Variants in PDE6H observed in about 807,000 individuals in gnomAD.
PDE6H encodes retinal cone rhodopsin-sensitive cGMP 3',5'-cyclic phosphodiesterase subunit gamma.
PDE6H carries 11 observed loss-of-function variants against 9.2 expected under a neutral mutation model. That is an observed-to-expected ratio of 1.19 (90% CI 0.75 to 1.97). The LOEUF (loss-of-function observed/expected upper bound fraction) is 1.97, where lower values mean the gene tolerates loss of function less well. Ranked by LOEUF, PDE6H falls within the 30% of genes most tolerant of loss-of-function variation. The pLI, the probability that PDE6H is intolerant of heterozygous loss-of-function variation, is 0.00. For synonymous variants in PDE6H, 36 were observed against 33.6 expected, an observed-to-expected ratio of 1.07 and a Z score of -0.25; for missense variants, 98 against 101.5, an observed-to-expected ratio of 0.97 and a Z score of 0.15.
intron 1 of PDE6H, among the ~76,000 whole-genome samples, chr12:14,976,758 T>G (rs183408297): frequency 6.6e-6 from 1 of 152,142 alleles, no homozygotes; most frequent in Non-Finnish European, 1.5e-5. Context: ...AGGAATCTTA[T>G]GGAGACAAAG....
rs200311463 is a variant in PDE6H at position 14,978,047 on chromosome 12, C to G, written c.35C>G (p.Ser12Ter). The change falls in exon 2 of 4, where the codon TCA (serine) becomes TGA (stop). Residue 12 changes from serine to a stop codon, truncating the protein, a stop_gained. Transcript: ENST00000266395. LOFTEE classifies it high-confidence loss of function. Reference protein sequence around the residue: ...SDNTTLPAPASNQGPTTPRKG... With the variant: ...SDNTTLPAPA ...AACACTACTCTGCCTGCTCCAGCTTCAAACCAGGGTCCTACCACCCCACGC... is the reference window on the plus strand; with the variant it reads ...AACACTACTCTGCCTGCTCCAGCTTGAAACCAGGGTCCTACCACCCCACGC... 103 of 1,613,658 alleles carry G rather than the reference C, an allele frequency of 6.4e-5. No individual in the cohort carries two copies. The highest frequency in any genetic ancestry group is 7.7e-5 in the South Asian group (7 of 91,064).
intron 1 of PDE6H, among the ~76,000 whole-genome samples, chr12:14,976,070 T>A (rs1184880817): frequency 6.6e-6 from 1 of 152,164 alleles, no homozygotes; most frequent in Non-Finnish European, 1.5e-5. Flanking sequence ...TCCGCCCGCC[T>A]CGGCCTCCCA....
intron 3 of PDE6H, among the ~76,000 whole-genome samples, chr12:14,981,038 C>T (rs1222607270): frequency 1.3e-5 from 2 of 152,194 alleles, no homozygotes; most frequent in Admixed American, 6.5e-5. Flanking sequence ...CAAAGTGCTC[C>T]TCTTTTTCAT....
rs1453622327 is a variant in PDE6H at position 14,977,451 on chromosome 12, A to T, written c.-41-521A>T. The stretch of plus-strand genomic sequence containing the variant: ...AAAGAAATTGCAGATGCTGTAAAAG[A>T]CTATAGATATCACTGAGTCCATTTT... On this transcript the variant is annotated intron_variant, in intron 1 of 3. Transcript: ENST00000266395. 3.9e-5 allele frequency among the ~76,000 whole-genome samples: 6 copies of T among 152,378 alleles called. No homozygotes were observed. In the East Asian group the frequency reaches 1.2e-3, roughly 29 times the overall value.
At chr12:14,974,016 T>C (rs920480098) in intron 1 of PDE6H, among the ~76,000 whole-genome samples, 1 of 152,228 alleles carries the variant, frequency 6.6e-6, no homozygotes, top group Non-Finnish European at 1.5e-5. Context: ...AAAGTATGCC[T>C]TGAAATATTA....
chr12:14,979,040 G>A (rs899408050), intron 2 of PDE6H, 139 bp from the exon 3 acceptor site: 1 of 697,614 alleles, frequency 1.4e-6, no homozygotes, highest in Admixed American at 2.1e-5. Context: ...CCAGTTCAGG[G>A]CAAACTAAAG....
At chr12:14,977,921 T>C (rs1864619959) in intron 1 of PDE6H, 51 bp from the exon 2 acceptor site, 15 of 1,241,206 alleles carry the variant, frequency 1.2e-5, no homozygotes, top group Non-Finnish European at 1.6e-5. Flanking sequence ...TAATAACCAA[T>C]GGTCCCCATG....
chr12:14,980,575 T>C lies in PDE6H; in HGVS notation c.176-825T>C, dbSNP rs549922665. On this transcript the variant is annotated intron_variant, in intron 3 of 3. Transcript: ENST00000266395. ...CAGGCAAATACCAATCCTGGGATCT[T>C]GAATGAATTTTCCAGCCATGTTATA... 2.6e-5 allele frequency among the ~76,000 whole-genome samples: 4 copies of C among 152,224 alleles called. No homozygotes were observed. In the East Asian group the frequency reaches 5.8e-4, roughly 22 times the overall value.
intron 1 of PDE6H, among the ~76,000 whole-genome samples, chr12:14,976,690 GTC>G (rs1336662598): frequency 6.6e-6 from 1 of 151,900 alleles, no homozygotes; most frequent in Admixed American, 6.6e-5. Context: ...GCAAGAACTT[GTC>G]TCTCTTAAAA....
intron 3 of PDE6H, 79 bp downstream of exon 3, chr12:14,979,298 G>GT: frequency 1.1e-6 from 1 of 915,888 alleles, no homozygotes; most frequent in Non-Finnish European, 1.8e-6. Context: ...TCAAGGGGCA[G>GT]TTGAAAGTTA....
At chr12:14,976,421 G>A (rs1204228882) in intron 1 of PDE6H, among the ~76,000 whole-genome samples, 3 of 152,286 alleles carry the variant, frequency 2.0e-5, no homozygotes, top group African/African-American at 4.8e-5. Context: ...TAAGAAAACA[G>A]TATGGACTGG....
chr12:14,974,177 C>A (rs976749199), intron 1 of PDE6H, among the ~76,000 whole-genome samples: 1 of 152,156 alleles, frequency 6.6e-6, no homozygotes, highest in Non-Finnish European at 1.5e-5. Context: ...AAACTTCTTT[C>A]AGCTAAAATC....
rs535455954 is a variant in PDE6H, at chr12:14,976,499, G to C, written c.-41-1473G>C. On this transcript the variant is annotated intron_variant, in intron 1 of 3. Transcript: ENST00000266395. Reference sequence around the variant, plus strand: ...GTAAAGAGAGTCATTGTTAGCACGAGCCAAAGACTGTCAGGGAGGTTTGCA... The same window carrying C: ...GTAAAGAGAGTCATTGTTAGCACGACCCAAAGACTGTCAGGGAGGTTTGCA... Among the ~76,000 whole-genome samples, 11 of 152,216 alleles carry C rather than the reference G, an allele frequency of 7.2e-5. No individual in the cohort carries two copies. In the East Asian group the frequency reaches 2.1e-3, roughly 29 times the overall value.
intron 1 of PDE6H, 90 bp from the exon 2 acceptor site, chr12:14,977,882 C>G: frequency 1.1e-6 from 1 of 877,052 alleles, no homozygotes; most frequent in South Asian, 1.7e-5. Context: ...TGTTGAAGTA[C>G]TTTTCTTCTC....
At position 14,981,679 on chromosome 12, in the gene PDE6H, C is replaced by A; in HGVS notation, c.*203C>A. On this transcript the variant is annotated 3_prime_UTR_variant, in exon 4 of 4. Transcript: ENST00000266395. ...ACAGCTCAAAATAGTGGATGCATTTCAAACTTGACCACCTTTTCCTACCAG... is the reference window on the plus strand; with the variant it reads ...ACAGCTCAAAATAGTGGATGCATTTAAAACTTGACCACCTTTTCCTACCAG... 1 of 617,430 alleles carries A rather than the reference C, an allele frequency of 1.6e-6. No individual in the cohort carries two copies. The allele number at this position is 617,430 out of a possible 1,614,324, so 38.2% of individuals were successfully genotyped here.
rs1211934148 is a variant in PDE6H at position 14,979,296 on chromosome 12, C to T, written c.175+77C>T. On this transcript the variant is annotated intron_variant, in intron 3 of 3. Coordinates refer to ENST00000266395, the MANE Select transcript of PDE6H (RefSeq NM_006205.3). ...TTTATATACTTCAGGCCTCAAGGGG[C>T]AGTTGAAAGTTATGAGAAATACCCA... 1.2e-5 allele frequency: 11 copies of T among 926,058 alleles called. No individual in the cohort carries two copies. In the East Asian group the frequency reaches 2.7e-4, roughly 23 times the overall value. The allele number at this position is 926,058 out of a possible 1,614,324, so 57.4% of individuals were successfully genotyped here.
chr12:14,978,289 T>C (rs2120827431), intron 2 of PDE6H, 143 bp downstream of exon 2: 1 of 721,590 alleles, frequency 1.4e-6, no homozygotes, highest in East Asian at 2.7e-5. Flanking sequence ...TGTAACTCCA[T>C]CTTTGATGAA....
Position 14,981,863 on chromosome 12 carries a change from G to T in PDE6H, c.*387G>T. On this transcript the variant is annotated 3_prime_UTR_variant, in exon 4 of 4. Coordinates refer to ENST00000266395, the MANE Select transcript of PDE6H (RefSeq NM_006205.3). ...ATTTAATAAAGGAGATATTTACCTT[G>T]AATGTTGGTGAAGTTGTATTAAATG... 3.2e-6 allele frequency: 1 copy of T among 312,732 alleles called. No homozygotes were observed. The highest frequency in any genetic ancestry group is 6.2e-6 in the Non-Finnish European group (1 of 162,200). 19.4% of individuals were successfully genotyped at this position (312,732 alleles called of 1,614,324 possible).
chr12:14,973,526 T>C (rs1349298188), intron 1 of PDE6H, among the ~76,000 whole-genome samples: 2 of 152,160 alleles, frequency 1.3e-5, no homozygotes, highest in East Asian at 3.9e-4. Context: ...AGCATGAGAA[T>C]GACCACAGGG....
Sources: gnomAD v4.1 joint callset for allele counts (sites outside exome capture counted in the v4.1 genomes callset) on GRCh38, gnomAD v4.1.1 for gene constraint, MANE v1.5 for transcripts, NCBI Gene and HGNC (gene_info 2026-07-23, HGNC 2026-07-21) for gene names.